C6orf89: variants seen among roughly 807,000 people sequenced by gnomAD.
C6orf89 encodes chromosome 6 open reading frame 89.
In C6orf89, 29 loss-of-function variants were observed where a neutral mutation model predicts 40.7. The ratio of observed to expected loss-of-function variants is 0.71; its 90% confidence interval spans 0.53 to 0.97. C6orf89 has a LOEUF of 0.97. Ranked by LOEUF, C6orf89 falls within the 50% of genes least tolerant of loss-of-function variation. C6orf89 has a pLI of 0.00. For missense variants in C6orf89, 392 were observed against 429.1 expected, an observed-to-expected ratio of 0.91 and a Z score of 0.76; for synonymous variants, 165 against 152.2, an observed-to-expected ratio of 1.08 and a Z score of -0.62.
intron 1 of C6orf89, chr6:36,892,811 C>T (rs555072158): frequency 7.9e-5 from 12 of 152,392 alleles, no homozygotes; most frequent in African/African-American, 2.9e-4. Flanking sequence ...GAACTTCCCC[C>T]TGTAGCAAAG....
rs1190158062 is a variant in C6orf89 at position 36,925,887 on chromosome 6, A to T, written c.*2446A>T. Reference sequence around the variant, plus strand: ...AGTGGGGCTGCAGGGTGACGATAAGACCACCTAACCAACTCCCCACCTCCA... The same window carrying T: ...AGTGGGGCTGCAGGGTGACGATAAGTCCACCTAACCAACTCCCCACCTCCA... On this transcript the variant is annotated 3_prime_UTR_variant, in exon 9 of 9. Coordinates refer to ENST00000480824, the MANE Select transcript of C6orf89 (RefSeq NM_001286635.2). 1.3e-5 allele frequency: 2 copies of T among 152,206 alleles called. No homozygotes were observed. The highest frequency in any genetic ancestry group is 2.9e-5 in the Non-Finnish European group (2 of 68,062). 9.4% of individuals were successfully genotyped at this position (152,206 alleles called of 1,614,324 possible).
intron 7 of C6orf89, among the ~76,000 whole-genome samples, chr6:36,918,974 A>G (rs1561876568): frequency 6.6e-6 from 1 of 152,232 alleles, no homozygotes; most frequent in Non-Finnish European, 1.5e-5. Context: ...AATCGGTAGC[A>G]TGGCATATCT....
Position 36,919,642 on chromosome 6 carries a change from C to T in C6orf89, c.890C>T (p.Pro297Leu). The T allele has an allele frequency of 1.9e-6, 3 of 1,614,156 alleles. No individual in the cohort carries two copies. The highest frequency in any genetic ancestry group is 2.5e-6 in the Non-Finnish European group (3 of 1,180,000). Reference sequence around the variant, plus strand: ...GAGGCCATGTTGCAGCTCATCCCTCCCTTCCAGTGCCGAAGACATTGTCAG... The same window carrying T: ...GAGGCCATGTTGCAGCTCATCCCTCTCTTCCAGTGCCGAAGACATTGTCAG... ...SGEAMLQLIP[P>L]FQCRRHCQSV... Residue 297 changes from proline to leucine, a missense_variant, in exon 8 of 9, where the codon CCC becomes CTC. By Grantham distance (98) the Pro-to-Leu change is moderately conservative. Coordinates refer to ENST00000480824, the MANE Select transcript of C6orf89 (RefSeq NM_001286635.2).
At chr6:36,913,569 C>T (rs369083909) in intron 4 of C6orf89, among the ~76,000 whole-genome samples, 1 of 152,200 alleles carries the variant, frequency 6.6e-6, no homozygotes, top group Non-Finnish European at 1.5e-5. Context: ...TCTATCCACA[C>T]CAGCCCCCCT....
rs1175385246 is a variant in C6orf89 at position 36,876,739 on chromosome 6, A to AAAG, written c.-627-2245_-627-2243dup. Among the ~76,000 whole-genome samples, 797 of 125,552 alleles carry AAAG rather than the reference A, an allele frequency of 6.3e-3. 6 individuals are homozygous for AAAG. The highest frequency in any genetic ancestry group is 0.017 in the East Asian group (82 of 4,904). 82.4% of individuals were successfully genotyped at this position (125,552 alleles called of 152,430 possible). A position where few individuals can be genotyped will look rare whatever the true frequency, so the allele number is the denominator to read the frequency against. On this transcript the variant is annotated intron_variant, in intron 1 of 9. Coordinates refer to the C6orf89 transcript ENST00000359359. ...AACTCCATCTCAAAAAAAAAAAAAA[A>AAAG]AAGAAGAAGAAGAAGAAGAAGAAGA... is the stretch of plus-strand genomic sequence containing the variant.
intron 2 of C6orf89, among the ~76,000 whole-genome samples, chr6:36,899,199 G>A (rs186256883): frequency 4.1e-4 from 63 of 152,206 alleles, no homozygotes; most frequent in Middle Eastern, 3.4e-3. Flanking sequence ...ACTAGTGCAG[G>A]TCTGTAAACT....
chr6:36,922,222 C>T (rs1762534604), intron 8 of C6orf89, among the ~76,000 whole-genome samples: 1 of 151,950 alleles, frequency 6.6e-6, no homozygotes, highest in African/African-American at 2.4e-5. Context: ...CACCTGTAAT[C>T]CCAGCTACTC....
At position 36,925,025 on chromosome 6, in the gene C6orf89, G is replaced by A. The variant is rs1023619462; in HGVS notation, c.*1584G>A. 4 of 151,906 alleles carry A rather than the reference G, an allele frequency of 2.6e-5. No homozygotes were observed. Among genetic ancestry groups the A allele is most frequent in the Non-Finnish European group, 4.4e-5 (3 of 68,022 alleles). 9.4% of individuals were successfully genotyped at this position (151,906 alleles called of 1,614,324 possible). On this transcript the variant is annotated 3_prime_UTR_variant, in exon 9 of 9. Transcript: ENST00000480824. ...ATAGAAACATCAGAGCCTCCTCCAC[G>A]GGCTTCAGTGAAACTCCGATGAACT...
intron 3 of C6orf89, 87 bp downstream of exon 3, chr6:36,899,720 C>A: frequency 7.8e-7 from 1 of 1,287,630 alleles, no homozygotes; most frequent in Non-Finnish European, 1.1e-6. Context: ...ACTAATCCCA[C>A]CACTGAGCAT....
intron 1 of C6orf89, among the ~76,000 whole-genome samples, chr6:36,888,926 G>A (rs576202085): frequency 6.6e-6 from 1 of 152,286 alleles, no homozygotes; most frequent in Admixed American, 6.5e-5. Flanking sequence ...GGAATGAGTT[G>A]AAGGGGAAAA....
At chr6:36,879,668 T>C (rs1038095946) in intron 2 of C6orf89, among the ~76,000 whole-genome samples, 3 of 152,094 alleles carry the variant, frequency 2.0e-5, no homozygotes, top group Non-Finnish European at 4.4e-5. Context: ...AGGGGTACCT[T>C]AGGATAAAAC....
chr6:36,906,800 T>C (rs1255016447), intron 4 of C6orf89, among the ~76,000 whole-genome samples: 1 of 152,238 alleles, frequency 6.6e-6, no homozygotes, highest in East Asian at 1.9e-4. Flanking sequence ...ACAAACAAGC[T>C]TCTGGAGAGC....
upstream of C6orf89, among the ~76,000 whole-genome samples, chr6:36,882,721 TTTTTTCTTTTTTC>T (rs776291364): frequency 0.021 from 2,473 of 115,946 alleles, 82 homozygotes; most frequent in Non-Finnish European, 0.031. Flanking sequence ...TTCTTTTTTT[TTTTTTCTTTTTTC>T]TTTTTTTTTT....
At chr6:36,877,139 C>T (rs1774681049) in intron 1 of C6orf89, among the ~76,000 whole-genome samples, 2 of 151,912 alleles carry the variant, frequency 1.3e-5, no homozygotes, top group Admixed American at 1.3e-4. Context: ...TTCATTTTTC[C>T]TTGCTGTGTA....
At chr6:36,912,694 G>A (rs1304717855) in intron 4 of C6orf89, among the ~76,000 whole-genome samples, 1 of 152,118 alleles carries the variant, frequency 6.6e-6, no homozygotes, top group Non-Finnish European at 1.5e-5. Flanking sequence ...ATCTTCCTGC[G>A]AGTTGAGACT....
At position 36,919,714 on chromosome 6, in the gene C6orf89, C is replaced by T. The variant is rs1300994070; in HGVS notation, c.949+13C>T. Reference sequence around the variant, plus strand: ...CCAGGGGATATCGGTATGTAGGGCCCCAGGAGGGCAGGGTCAATGGATCTT... The same window carrying T: ...CCAGGGGATATCGGTATGTAGGGCCTCAGGAGGGCAGGGTCAATGGATCTT... On this transcript the variant is annotated intron_variant, in intron 8 of 8. Coordinates refer to ENST00000480824, the MANE Select transcript of C6orf89 (RefSeq NM_001286635.2). 6.3e-7 allele frequency: 1 copy of T among 1,596,744 alleles called. No individual in the cohort carries two copies.
At chr6:36,921,857 G>A (rs1385399305) in intron 8 of C6orf89, among the ~76,000 whole-genome samples, 1 of 151,908 alleles carries the variant, frequency 6.6e-6, no homozygotes, top group Admixed American at 6.5e-5. Flanking sequence ...GTAGGACCTT[G>A]TATCTACCCA....
chr6:36,882,713 C>CTTTTTT (rs1168220528), upstream of C6orf89, among the ~76,000 whole-genome samples: 9 of 115,438 alleles, frequency 7.8e-5, 1 homozygote, highest in East Asian at 3.7e-4. Flanking sequence ...TTGTCATTTT[C>CTTTTTT]TTTTTTTTTT....
In C6orf89 at chr6:36,925,450, C is replaced by A. The variant is rs986061397; in HGVS notation, c.*2009C>A. 6.6e-6 allele frequency: 1 copy of A among 152,156 alleles called. No homozygotes were observed. The highest frequency in any genetic ancestry group is 2.4e-5 in the African/African-American group (1 of 41,432). 9.4% of individuals were successfully genotyped at this position (152,156 alleles called of 1,614,324 possible). On this transcript the variant is annotated 3_prime_UTR_variant, in exon 9 of 9. Transcript: ENST00000480824. The stretch of plus-strand genomic sequence containing the variant: ...CTTAAATGTCCATAAGAAACCCTTG[C>A]ATGTGTTGGTATTCTGAGGCATCCC...
Sources: gnomAD v4.1 joint callset for allele counts (sites outside exome capture counted in the v4.1 genomes callset) on GRCh38, gnomAD v4.1.1 for gene constraint, MANE v1.5 for transcripts, NCBI Gene and HGNC (gene_info 2026-07-23, HGNC 2026-07-21) for gene names.